The following ZNF215 variants were observed in gnomAD, a reference collection of about 807,000 sequenced individuals.
ZNF215 encodes zinc finger protein 215.
In ZNF215, 24 loss-of-function variants were observed where a neutral mutation model predicts 27.2. The ratio of observed to expected loss-of-function variants is 0.88; its 90% CI spans 0.64 to 1.24. The LOEUF (loss-of-function observed/expected upper bound fraction) is 1.24. Among genes scored for constraint, ZNF215 ranks in the 50% most tolerant of loss-of-function variants. The probability of loss-of-function intolerance (pLI) is 0.00; values close to 1 mark genes in which losing one functional copy is unlikely to be tolerated. For synonymous variants in ZNF215, 210 were observed against 204.0 expected (o/e 1.03, Z -0.25); for missense variants, 675 against 605.7 (o/e 1.11, Z -1.20).
chr11:6,934,838 T>C (rs1849379909), intron 3 of ZNF215, among the ~76,000 whole-genome samples: 1 of 152,168 alleles, frequency 6.6e-6, no homozygotes, highest in African/African-American at 2.4e-5. Flanking sequence ...TGGGCTGATA[T>C]TCTGCCCATC....
chr11:6,974,854 T>G (rs1850797270), intron 5 of ZNF215, among the ~76,000 whole-genome samples: 1 of 152,158 alleles, frequency 6.6e-6, no homozygotes, highest in South Asian at 2.1e-4. Context: ...ACAATTTGAC[T>G]TCCTCTTTTC....
chr11:6,956,440 A>T lies in ZNF215; in HGVS notation c.1463A>T (p.Lys488Ile), dbSNP rs986700781. ...CACCAAATGATTCACACGGGAGAGAAACCATTCAAATGTAAGGAATGTAGT... is the reference window on the plus strand; with the variant it reads ...CACCAAATGATTCACACGGGAGAGATACCATTCAAATGTAAGGAATGTAGT... The part of the protein sequence containing the change: ...IRHQMIHTGE[K>I]PFKCKECSKA... Residue 488 changes from lysine to isoleucine, a missense_variant, in exon 7 of 7, where the codon AAA becomes ATA. Coordinates refer to ENST00000278319, the MANE Select transcript of ZNF215 (RefSeq NM_013250.4). 3 of 1,614,060 alleles carry T rather than the reference A, an allele frequency of 1.9e-6. No individual in the cohort carries two copies. Among genetic ancestry groups the T allele is most frequent in the Admixed American group, 3.3e-5 (2 of 60,010 alleles).
chr11:6,992,620 C>G (rs1429521180), downstream of ZNF215, among the ~76,000 whole-genome samples: 2 of 152,262 alleles, frequency 1.3e-5, no homozygotes, highest in African/African-American at 4.8e-5. Context: ...ATGTCACATG[C>G]TGTGAGAAAG....
At chr11:6,944,622 A>G (rs1416915962) in intron 6 of ZNF215, among the ~76,000 whole-genome samples, 1 of 152,136 alleles carries the variant, frequency 6.6e-6, no homozygotes, top group Non-Finnish European at 1.5e-5. Flanking sequence ...TGATATTAAT[A>G]TAAGTTCTAG....
rs143495759 is a variant in ZNF215, at chr11:6,983,762, A to G, written c.806-367A>G. Reference sequence around the variant, plus strand: ...AAAATAAACTGGGAGAAATAGTTTCATTACATATGGCAAAGGAAGTGCTAA... The same window carrying G: ...AAAATAAACTGGGAGAAATAGTTTCGTTACATATGGCAAAGGAAGTGCTAA... On this transcript the variant is annotated intron_variant, in intron 5 of 5. Transcript: ENST00000529903. Among the ~76,000 whole-genome samples, 958 of 152,266 alleles carry G rather than the reference A, an allele frequency of 6.3e-3. 9 individuals are homozygous for G. The highest frequency in any genetic ancestry group is 0.022 in the African/African-American group (898 of 41,566).
rs375079033 is a variant in ZNF215, at chr11:6,972,225, TTTATAGG to T, written c.806-11898_806-11892del. 3.4e-3 allele frequency among the ~76,000 whole-genome samples: 524 copies of T among 152,230 alleles called. 2 individuals are homozygous for T. The highest frequency in any genetic ancestry group is 0.012 in the African/African-American group (503 of 41,562). ...GAATGAGATAGTAAATATTTTAGAC[TTTATAGG>T]TTATATAGTCACTCTTTGTCAAAAC... is the stretch of plus-strand genomic sequence containing the variant. On this transcript the variant is annotated intron_variant, in intron 5 of 5. Transcript: ENST00000529903.
chr11:6,948,051 T>C (rs1398870135), intron 6 of ZNF215, among the ~76,000 whole-genome samples: 2 of 152,212 alleles, frequency 1.3e-5, no homozygotes, highest in Admixed American at 6.5e-5. Flanking sequence ...GTGTCACTTC[T>C]GCCACATTCT....
chr11:6,937,793 C>G (rs1396414335), intron 3 of ZNF215, among the ~76,000 whole-genome samples: 1 of 151,752 alleles, frequency 6.6e-6, no homozygotes, highest in African/African-American at 2.4e-5. Flanking sequence ...CCTTGATTTC[C>G]ATATGCAAAA....
At chr11:6,968,877 T>A (rs977289537) in intron 5 of ZNF215, among the ~76,000 whole-genome samples, 53 of 151,644 alleles carry the variant, frequency 3.5e-4, no homozygotes, top group Admixed American at 9.9e-4. Context: ...AAAAAAAAAA[T>A]TTAAATTACT....
chr11:6,950,247 AG>A (rs1850000377), intron 6 of ZNF215, among the ~76,000 whole-genome samples: 1 of 145,610 alleles, frequency 6.9e-6, no homozygotes, highest in Non-Finnish European at 1.5e-5. Flanking sequence ...ACTTTAAAGT[AG>A]TTTTTTCCAA....
Position 6,956,536 on chromosome 11 carries a change from A to T in ZNF215, c.*5A>T. The T allele has an allele frequency of 6.4e-7, 1 of 1,553,656 alleles. No individual in the cohort carries two copies. The highest frequency in any genetic ancestry group is 8.7e-7 in the Non-Finnish European group (1 of 1,155,980). On this transcript the variant is annotated 3_prime_UTR_variant, in exon 7 of 7. Transcript: ENST00000278319. ...CATACTCGAGATAAGTCCTGAAAAAAGAAAAAATGAAAGATTACCTTCAGT... is the reference window on the plus strand; with the variant it reads ...CATACTCGAGATAAGTCCTGAAAAATGAAAAAATGAAAGATTACCTTCAGT...
intron 1 of ZNF215, among the ~76,000 whole-genome samples, chr11:6,927,032 G>A (rs766633555): frequency 6.6e-6 from 1 of 152,104 alleles, no homozygotes; most frequent in Non-Finnish European, 1.5e-5. Flanking sequence ...CCACACTCCT[G>A]TCGCCTCTTC....
At chr11:6,961,715 C>T (rs1850520376), downstream of ZNF215, among the ~76,000 whole-genome samples, 2 of 152,060 alleles carry the variant, frequency 1.3e-5, no homozygotes, top group Non-Finnish European at 2.9e-5. Context: ...CTTTTAGTTG[C>T]TCTTCTTCCA....
At chr11:6,941,019 C>T (rs1390855287) in intron 3 of ZNF215, among the ~76,000 whole-genome samples, 2 of 152,108 alleles carry the variant, frequency 1.3e-5, no homozygotes, top group Non-Finnish European at 2.9e-5. Flanking sequence ...AAATTTCTCA[C>T]TGAATGGCTG....
chr11:6,956,190 A>C lies in ZNF215; in HGVS notation c.1213A>C (p.Lys405Gln). 6.2e-7 allele frequency: 1 copy of C among 1,613,374 alleles called. No homozygotes were observed. Residue 405 changes from lysine to glutamine, a missense_variant, in exon 7 of 7, where the codon AAA becomes CAA. Physicochemically the swap from Lys to Gln is moderately conservative, Grantham distance 53. Transcript: ENST00000278319. ...ACATCAGATCATTCACACAGGAGAG[A>C]AACCCTATAAATGCAGTGAATGTGG... ...IRHQIIHTGE[K>Q]PYKCSECGRF...
At chr11:6,933,110 C>T (rs951551710) in intron 3 of ZNF215, among the ~76,000 whole-genome samples, 20 of 152,240 alleles carry the variant, frequency 1.3e-4, no homozygotes, top group East Asian at 3.9e-4. Context: ...AAAAGTTTAC[C>T]GACATCTCCT....
At chr11:6,990,295 A>C (rs1851102487), downstream of ZNF215, among the ~76,000 whole-genome samples, 2 of 152,202 alleles carry the variant, frequency 1.3e-5, no homozygotes, top group South Asian at 4.1e-4. Context: ...GGATAGCCTT[A>C]ACAATGGTGA....
downstream of ZNF215, among the ~76,000 whole-genome samples, chr11:6,987,566 C>G (rs779223797): frequency 1.3e-5 from 2 of 152,130 alleles, no homozygotes; most frequent in Non-Finnish European, 2.9e-5. Context: ...AAAAAGAAAT[C>G]CACACATAGG....
At chr11:6,943,340 G>A in intron 5 of ZNF215, 125 bp downstream of exon 5, 1 of 1,397,012 alleles carries the variant, frequency 7.2e-7, no homozygotes, top group Non-Finnish European at 9.7e-7. Flanking sequence ...AATATCCTTT[G>A]GACACAGTAG....
Sources: gnomAD v4.1 joint callset for allele counts (sites outside exome capture counted in the v4.1 genomes callset) on GRCh38, gnomAD v4.1.1 for gene constraint, MANE v1.5 for transcripts, NCBI Gene and HGNC (gene_info 2026-07-23, HGNC 2026-07-21) for gene names.